Variants in LRMDA observed in about 807,000 individuals in gnomAD.
LRMDA encodes leucine rich melanocyte differentiation associated, also known as leucine-rich melanocyte differentiation-associated protein.
A neutral mutation model predicts 29.8 loss-of-function variants in LRMDA; 18 were observed. The observed-to-expected ratio is 0.60, with a 90% CI of 0.42 to 0.90. The LOEUF (loss-of-function observed/expected upper bound fraction) is 0.90, where lower values mean the gene tolerates loss of function less well. Among genes scored for constraint, LRMDA ranks in the 40% least tolerant of loss-of-function variants. The probability of loss-of-function intolerance (pLI) is 0.00; values close to 1 mark genes in which losing one functional copy is unlikely to be tolerated. For missense variants in LRMDA, 273 were observed against 273.9 expected, an observed-to-expected ratio of 1.00 and a Z score of 0.02; for synonymous variants, 125 against 109.4, an observed-to-expected ratio of 1.14 and a Z score of -0.89.
chr10:75,788,817 CTT>C (rs1026801710), intron 2 of LRMDA, among the ~76,000 whole-genome samples: 1 of 152,244 alleles, frequency 6.6e-6, no homozygotes, highest in Non-Finnish European at 1.5e-5. Flanking sequence ...AGAAAACACT[CTT>C]TGCTACATTC....
chr10:76,381,021 C>G (rs1488547184), intron 6 of LRMDA, among the ~76,000 whole-genome samples: 1 of 96,916 alleles, frequency 1.0e-5, no homozygotes, highest in East Asian at 3.0e-4. Flanking sequence ...TTTATCTTTG[C>G]TTTTTTTTTT....
intron 5 of LRMDA, among the ~76,000 whole-genome samples, chr10:76,176,282 A>C (rs562034612): frequency 6.6e-6 from 1 of 152,194 alleles, no homozygotes; most frequent in Non-Finnish European, 1.5e-5. Flanking sequence ...TTTCATATGC[A>C]ATTATGGCAG....
At chr10:76,308,399 C>A (rs76941673) in intron 5 of LRMDA, among the ~76,000 whole-genome samples, 2 of 152,154 alleles carry the variant, frequency 1.3e-5, no homozygotes, top group African/African-American at 4.8e-5. Context: ...TCCTGAAAGA[C>A]GAAGATGGAT....
chr10:76,207,562 A>C (rs1851560268), intron 5 of LRMDA, among the ~76,000 whole-genome samples: 1 of 152,232 alleles, frequency 6.6e-6, no homozygotes, highest in South Asian at 2.1e-4. Context: ...ACTTCTGCAC[A>C]TAGTCATGTG....
chr10:76,086,375 G>A (rs1042396768), intron 5 of LRMDA, among the ~76,000 whole-genome samples: 11 of 151,524 alleles, frequency 7.3e-5, no homozygotes, highest in African/African-American at 2.7e-4. Flanking sequence ...GCTGGTAAAT[G>A]TCAGAAGCTG....
At chr10:75,998,890 TC>T (rs1847516586) in intron 2 of LRMDA, among the ~76,000 whole-genome samples, 1 of 152,170 alleles carries the variant, frequency 6.6e-6, no homozygotes, top group East Asian at 1.9e-4. Context: ...GGCTGTTCCC[TC>T]CCCAAAGCTA....
At chr10:75,471,591 A>G (rs1354179205) in intron 2 of LRMDA, among the ~76,000 whole-genome samples, 1 of 152,210 alleles carries the variant, frequency 6.6e-6, no homozygotes, top group Admixed American at 6.5e-5. Flanking sequence ...TGATAATGCT[A>G]CATACGTTGT....
At chr10:75,916,871 A>G (rs534589340) in intron 2 of LRMDA, among the ~76,000 whole-genome samples, 1 of 152,330 alleles carries the variant, frequency 6.6e-6, no homozygotes, top group African/African-American at 2.4e-5. Flanking sequence ...GAATTCCATC[A>G]TTTAATATGT....
chr10:75,772,704 T>C (rs1248867927), intron 2 of LRMDA, among the ~76,000 whole-genome samples: 1 of 152,136 alleles, frequency 6.6e-6, no homozygotes, highest in Non-Finnish European at 1.5e-5. Context: ...AAGTGCGTCT[T>C]GCTGTGGAAG....
chr10:76,054,588 G>A (rs1848580275), intron 4 of LRMDA, among the ~76,000 whole-genome samples: 1 of 151,594 alleles, frequency 6.6e-6, no homozygotes, highest in Admixed American at 6.6e-5. Context: ...TAATACTGAT[G>A]TTTTCTTCAC....
chr10:75,941,450 C>T (rs1174339745), intron 2 of LRMDA, among the ~76,000 whole-genome samples: 1 of 152,198 alleles, frequency 6.6e-6, no homozygotes, highest in Non-Finnish European at 1.5e-5. Context: ...TTTATCACCA[C>T]TTTGCTTTCG....
At chr10:75,638,196 T>C (rs1452343368) in intron 2 of LRMDA, among the ~76,000 whole-genome samples, 1 of 152,184 alleles carries the variant, frequency 6.6e-6, no homozygotes, top group Admixed American at 6.5e-5. Context: ...AGTGTCTCCA[T>C]GGAATCCTCA....
Position 76,225,698 on chromosome 10 carries a change from T to TTATTTATTTATG in LRMDA, c.517-98692_517-98691insGTATTTATTTAT, listed in dbSNP as rs1269148895. Among the ~76,000 whole-genome samples the TTATTTATTTATG allele has an allele frequency of 3.1e-3, 461 of 147,044 alleles. 4 individuals are homozygous for TTATTTATTTATG. Among genetic ancestry groups the TTATTTATTTATG allele is most frequent in the African/African-American group, 0.011 (439 of 40,174 alleles). ...AATATCTGAGACTGGGTAATTTATT[T>TTATTTATTTATG]TATTTATTTATTTATTTATTTATTA... On this transcript the variant is annotated intron_variant, in intron 5 of 6. Coordinates refer to ENST00000611255, the MANE Select transcript of LRMDA (RefSeq NM_001305581.2).
chr10:76,315,866 A>T (rs1840690419), intron 5 of LRMDA, among the ~76,000 whole-genome samples: 1 of 152,012 alleles, frequency 6.6e-6, no homozygotes, highest in Admixed American at 6.6e-5. Context: ...TGGACCAATC[A>T]GCACTCACTT....
At chr10:75,672,725 G>C (rs1841913349) in intron 2 of LRMDA, among the ~76,000 whole-genome samples, 1 of 149,418 alleles carries the variant, frequency 6.7e-6, no homozygotes, top group Non-Finnish European at 1.5e-5. Context: ...ACTACAGGCA[G>C]GTGCCACAGC....
chr10:75,996,902 T>C (rs1847476240), intron 2 of LRMDA, among the ~76,000 whole-genome samples: 1 of 152,018 alleles, frequency 6.6e-6, no homozygotes, highest in Admixed American at 6.6e-5. Context: ...CCGGCTAATT[T>C]TTTGTACTTT....
intron 2 of LRMDA, among the ~76,000 whole-genome samples, chr10:76,017,009 C>T (rs1012364571): frequency 3.3e-5 from 5 of 152,222 alleles, no homozygotes; most frequent in Admixed American, 6.5e-5. Flanking sequence ...CTTTGAAACC[C>T]TAACCCCCAG....
rs114545947 is a variant in LRMDA at position 75,681,677 on chromosome 10, C to A, written c.131+243183C>A. On this transcript the variant is annotated intron_variant, in intron 2 of 6. Coordinates refer to ENST00000611255, the MANE Select transcript of LRMDA (RefSeq NM_001305581.2). ...TAGGGCCTCTGCGCACATTACACAGCGAAATTTCGTTGTCCTGAGCAAGTC... is the reference window on the plus strand; with the variant it reads ...TAGGGCCTCTGCGCACATTACACAGAGAAATTTCGTTGTCCTGAGCAAGTC... 5.6e-3 allele frequency among the ~76,000 whole-genome samples: 846 copies of A among 152,254 alleles called. 7 individuals carry two copies. Among genetic ancestry groups the A allele is most frequent in the African/African-American group, 0.019 (808 of 41,548 alleles).
intron 2 of LRMDA, among the ~76,000 whole-genome samples, chr10:75,823,042 G>T (rs1211384280): frequency 1.3e-5 from 2 of 152,126 alleles, no homozygotes; most frequent in African/African-American, 4.8e-5. Context: ...AACTGTTCTG[G>T]ACATTGATCT....
Sources: gnomAD v4.1 joint callset for allele counts (sites outside exome capture counted in the v4.1 genomes callset) on GRCh38, gnomAD v4.1.1 for gene constraint, MANE v1.5 for transcripts, NCBI Gene and HGNC (gene_info 2026-07-23, HGNC 2026-07-21) for gene names.